KIAA0319: variants seen among roughly 807,000 people sequenced by gnomAD.
KIAA0319 encodes the protein dyslexia-associated protein KIAA0319.
A neutral mutation model predicts 108.4 loss-of-function variants in KIAA0319; 83 were observed. The observed-to-expected ratio is 0.77, with a 90% confidence interval of 0.64 to 0.92. KIAA0319 has a LOEUF of 0.92. KIAA0319 is among the 40% of genes least tolerant of loss of function. The pLI, the probability that KIAA0319 is intolerant of heterozygous loss-of-function variation, is 0.00. For synonymous variants in KIAA0319, 484 were observed against 510.4 expected (o/e 0.95, Z 0.70); for missense variants, 1,195 against 1,322.4 (o/e 0.90, Z 1.49).
chr6:24,596,987 C>A (rs1005417880), intron 2 of KIAA0319, among the ~76,000 whole-genome samples: 4 of 152,044 alleles, frequency 2.6e-5, no homozygotes, highest in Non-Finnish European at 5.9e-5. Flanking sequence ...TCCCATCCAT[C>A]CATCCATCTT....
At chr6:24,592,553 A>G (rs754348720) in intron 3 of KIAA0319, among the ~76,000 whole-genome samples, 3 of 152,174 alleles carry the variant, frequency 2.0e-5, no homozygotes, top group East Asian at 1.9e-4. Flanking sequence ...GTTGTGCATC[A>G]GTGTATTGGG....
intron 11 of KIAA0319, among the ~76,000 whole-genome samples, 162 bp from the exon 12 acceptor site, chr6:24,570,197 C>T (rs554695389): frequency 6.6e-6 from 1 of 152,346 alleles, no homozygotes; most frequent in Admixed American, 6.5e-5. Context: ...AGCCTCCTAG[C>T]TGATCCAGGA....
At chr6:24,571,393 A>G (rs561555633) in intron 11 of KIAA0319, among the ~76,000 whole-genome samples, 2 of 151,742 alleles carry the variant, frequency 1.3e-5, no homozygotes, top group South Asian at 2.1e-4. Flanking sequence ...AAAAAAAAAA[A>G]AAGAAGTCAT....
chr6:24,600,555 T>C, intron 2 of KIAA0319: 4 of 867,156 alleles, frequency 4.6e-6, no homozygotes, highest in Non-Finnish European at 7.5e-6. Flanking sequence ...GTGTTACATT[T>C]GGACAAACTG....
At position 24,599,379 on chromosome 6, in the gene KIAA0319, G is replaced by A; in HGVS notation, c.55+1670C>T. 3 of 544,774 alleles carry A rather than the reference G, an allele frequency of 5.5e-6. No individual in the cohort carries two copies. Among genetic ancestry groups the A allele is most frequent in the Non-Finnish European group, 1.1e-5 (3 of 283,790 alleles). The allele number at this position is 544,774 out of a possible 1,614,324, so 33.7% of individuals were successfully genotyped here. On this transcript the variant is annotated intron_variant, in intron 2 of 20. Coordinates refer to ENST00000378214, the MANE Select transcript of KIAA0319 (RefSeq NM_014809.4). The surrounding 1 kb of genome is among the most constrained non-coding windows in gnomAD (Gnocchi z 4.1). ...CATTGTGGATGCGGAGAAGCGTGGG[G>A]AGCTGGCCATTAAGGATGCCAATGC... is the stretch of plus-strand genomic sequence containing the variant.
chr6:24,627,566 G>A (rs1202232911), intron 1 of KIAA0319, among the ~76,000 whole-genome samples: 1 of 152,092 alleles, frequency 6.6e-6, no homozygotes, highest in Non-Finnish European at 1.5e-5. Context: ...GTCAGAATTA[G>A]GGAACAAATG....
chr6:24,553,313 A>ACAC (rs1761828612), intron 19 of KIAA0319, among the ~76,000 whole-genome samples: 1 of 114,936 alleles, frequency 8.7e-6, no homozygotes, highest in East Asian at 2.1e-4. Flanking sequence ...ACACACACAC[A>ACAC]CACACACACA....
intron 1 of KIAA0319, among the ~76,000 whole-genome samples, chr6:24,644,757 C>G (rs1443775322): frequency 6.6e-6 from 1 of 152,100 alleles, no homozygotes; most frequent in African/African-American, 2.4e-5. Flanking sequence ...GTTCTTGCCT[C>G]GGCATTTTGC....
intron 1 of KIAA0319, among the ~76,000 whole-genome samples, chr6:24,618,734 T>C (rs1429718978): frequency 6.7e-6 from 1 of 150,202 alleles, no homozygotes. Flanking sequence ...TTTCAGATAA[T>C]GGAATTCTGG....
chr6:24,547,927 G>A (rs998704873), intron 20 of KIAA0319, among the ~76,000 whole-genome samples: 1 of 152,132 alleles, frequency 6.6e-6, no homozygotes, highest in Non-Finnish European at 1.5e-5. Context: ...CAGCCCTTTG[G>A]GAGGCTGAGG....
intron 1 of KIAA0319, among the ~76,000 whole-genome samples, chr6:24,643,000 G>A (rs1477923540): frequency 2.6e-5 from 4 of 152,148 alleles, no homozygotes; most frequent in African/African-American, 7.2e-5. Context: ...GAGCCACCGC[G>A]TTCCCAGCCT....
chr6:24,614,718 T>TA (rs967448566), intron 1 of KIAA0319, among the ~76,000 whole-genome samples: 6 of 152,124 alleles, frequency 3.9e-5, no homozygotes, highest in African/African-American at 7.2e-5. Flanking sequence ...CTCCTTCACT[T>TA]AAAAAAAATC....
rs1403101860 is a variant in KIAA0319 at position 24,572,607 on chromosome 6, G to A, written c.1826C>T (p.Ser609Phe). 6.2e-7 allele frequency: 1 copy of A among 1,614,052 alleles called. No individual in the cohort carries two copies. Among genetic ancestry groups the A allele is most frequent in the Admixed American group, 1.7e-5 (1 of 60,018 alleles). ...LKVTDSSRQQ[S>F]TAVVTVIVQP... Reference sequence around the variant, plus strand: ...GACAATCACAGTCACCACAGCAGTAGACTGTTGCCTTGAAGAATCTGTCAC... The same window carrying A: ...GACAATCACAGTCACCACAGCAGTAAACTGTTGCCTTGAAGAATCTGTCAC... The change falls in exon 11 of 21, where the codon TCT becomes TTT. Residue 609 changes from serine to phenylalanine, a missense_variant. Transcript: ENST00000378214.
At chr6:24,600,898 G>T in intron 2 of KIAA0319, 151 bp downstream of exon 2, 1 of 1,015,974 alleles carries the variant, frequency 9.8e-7, no homozygotes, top group Admixed American at 2.0e-5. Flanking sequence ...AACCACTCAT[G>T]CATGAGGTCT....
chr6:24,619,426 A>T (rs949963088), intron 1 of KIAA0319, among the ~76,000 whole-genome samples: 10 of 152,220 alleles, frequency 6.6e-5, no homozygotes, highest in African/African-American at 2.4e-4. Flanking sequence ...GTGTGACACA[A>T]AAACAAGAGT....
At chr6:24,571,485 G>A (rs1159076955) in intron 11 of KIAA0319, among the ~76,000 whole-genome samples, 1 of 151,968 alleles carries the variant, frequency 6.6e-6, no homozygotes, top group East Asian at 1.9e-4. Context: ...CAAAATAGGG[G>A]TTTCCCTTTG....
At chr6:24,642,208 A>C (rs1008370981) in intron 1 of KIAA0319, among the ~76,000 whole-genome samples, 1 of 150,006 alleles carries the variant, frequency 6.7e-6, no homozygotes, top group Non-Finnish European at 1.5e-5. Flanking sequence ...AAGAGAAAGA[A>C]GGAAAGGAAG....
At position 24,569,794 on chromosome 6, in the gene KIAA0319, C is replaced by T. The variant is rs1178180190; in HGVS notation, c.1991+109G>A. The T allele has an allele frequency of 1.6e-5, 22 of 1,334,506 alleles. No individual in the cohort carries two copies. The Middle Eastern group carries it at 7.6e-4, about 46-fold the overall frequency. The allele number at this position is 1,334,506 out of a possible 1,614,324, so 82.7% of individuals were successfully genotyped here. ...CACTTCTAGAAACGTGCTTAAATCC[C>T]GACTCCTCAAAATGCGCAAGCTGAT... On this transcript the variant is annotated intron_variant, in intron 12 of 20. Coordinates refer to ENST00000378214, the MANE Select transcript of KIAA0319 (RefSeq NM_014809.4).
At position 24,545,571 on chromosome 6, in the gene KIAA0319, T is replaced by C. The variant is rs965413546; in HGVS notation, c.*1594A>G. On this transcript the variant is annotated 3_prime_UTR_variant, in exon 21 of 21. Transcript: ENST00000378214. Reference sequence around the variant, plus strand: ...TTTCCTTCTAACACTATAGACAGTATTGAATTGGCTAGTTATACAGAAAGT... The same window carrying C: ...TTTCCTTCTAACACTATAGACAGTACTGAATTGGCTAGTTATACAGAAAGT... 1 of 152,202 alleles carries C rather than the reference T, an allele frequency of 6.6e-6. No individual in the cohort carries two copies. The highest frequency in any genetic ancestry group is 2.4e-5 in the African/African-American group (1 of 41,450). The allele number at this position is 152,202 out of a possible 1,614,324, so 9.4% of individuals were successfully genotyped here.
Sources: gnomAD v4.1 joint callset for allele counts (sites outside exome capture counted in the v4.1 genomes callset) on GRCh38, gnomAD v4.1.1 for gene constraint, Gnocchi (gnomAD v3.1) non-coding constraint, MANE v1.5 for transcripts, NCBI Gene and HGNC (gene_info 2026-07-23, HGNC 2026-07-21) for gene names.